Variants in CA10 observed in about 807,000 individuals in gnomAD.
CA10 encodes the protein carbonic anhydrase 10 (inactive), also known as carbonic anhydrase-related protein 10.
In CA10, 14 loss-of-function variants were observed where a neutral mutation model predicts 44.2. That is an observed-to-expected ratio of 0.32 (90% CI 0.21 to 0.50). The LOEUF is 0.50. Ranked by LOEUF, CA10 falls within the 20% of genes least tolerant of loss-of-function variation. CA10 has a pLI of 0.99. For missense variants in CA10, 350 were observed against 409.7 expected, an observed-to-expected ratio of 0.85 and a Z score of 1.26; for synonymous variants, 159 against 141.6, an observed-to-expected ratio of 1.12 and a Z score of -0.87.
chr17:52,054,480 C>G (rs1242424346), intron 2 of CA10, among the ~76,000 whole-genome samples: 1 of 152,116 alleles, frequency 6.6e-6, no homozygotes, highest in Non-Finnish European at 1.5e-5. Context: ...GTCCTGTGAT[C>G]TCACCCTGCC....
At chr17:51,931,265 G>A in intron 2 of CA10, 133 bp from the exon 3 acceptor site, 1 of 814,428 alleles carries the variant, frequency 1.2e-6, no homozygotes, top group Non-Finnish European at 1.9e-6. Context: ...GAGATCCTTG[G>A]GGGTTGCTAT....
rs576687350 is a variant in CA10 at position 52,037,805 on chromosome 17, CA to C, written c.136+34513del. 2.2e-3 allele frequency among the ~76,000 whole-genome samples: 329 copies of C among 152,264 alleles called. 3 individuals carry two copies. Among genetic ancestry groups the C allele is most frequent in the South Asian group, 5.8e-3 (28 of 4,820 alleles). On this transcript the variant is annotated intron_variant, in intron 2 of 8. Transcript: ENST00000451037. ...TGTGCCTTTGGTCATCCTGCTCCCT[CA>C]GTGAAGAATTCCCTTAACTTTTCCT...
intron 3 of CA10, among the ~76,000 whole-genome samples, chr17:51,769,263 C>T (rs1426256709): frequency 1.3e-5 from 2 of 152,172 alleles, no homozygotes; most frequent in Non-Finnish European, 2.9e-5. Flanking sequence ...ACTGGGCACA[C>T]TGGGTCACTC....
At chr17:51,970,096 T>C (rs1299791527) in intron 2 of CA10, among the ~76,000 whole-genome samples, 2 of 152,024 alleles carry the variant, frequency 1.3e-5, no homozygotes, top group African/African-American at 2.4e-5. Flanking sequence ...TTACTCCAAA[T>C]AGAATTTTCA....
chr17:52,007,056 C>G (rs1286955478), intron 2 of CA10, among the ~76,000 whole-genome samples: 1 of 151,534 alleles, frequency 6.6e-6, no homozygotes, highest in Non-Finnish European at 1.5e-5. Flanking sequence ...ATTATATTCT[C>G]TATTTTGTTA....
intron 3 of CA10, among the ~76,000 whole-genome samples, chr17:51,786,390 A>G (rs1165895757): frequency 6.6e-6 from 1 of 152,170 alleles, no homozygotes; most frequent in East Asian, 1.9e-4. Context: ...TGTCTCTATG[A>G]AAAATACAAA....
At chr17:52,143,390 A>G (rs995969646) in intron 1 of CA10, among the ~76,000 whole-genome samples, 11 of 152,212 alleles carry the variant, frequency 7.2e-5, no homozygotes, top group African/African-American at 2.4e-4. Flanking sequence ...GAATATTAAT[A>G]ATAGTTGTAT....
chr17:51,730,882 A>C (rs11869209), intron 4 of CA10, among the ~76,000 whole-genome samples: 61,304 of 150,108 alleles, frequency 0.41, 12,863 homozygotes, highest in Middle Eastern at 0.5. Context: ...GGGACTGTTA[A>C]AAAGATAAGT....
intron 2 of CA10, among the ~76,000 whole-genome samples, chr17:52,032,198 C>A (rs1448673294): frequency 6.6e-6 from 1 of 152,080 alleles, no homozygotes; most frequent in Non-Finnish European, 1.5e-5. Context: ...TTCTATTAAA[C>A]CTAATATAGT....
chr17:52,049,160 T>C (rs1986991841), intron 2 of CA10, among the ~76,000 whole-genome samples: 1 of 152,134 alleles, frequency 6.6e-6, no homozygotes, highest in South Asian at 2.1e-4. Context: ...AGTACTTTCA[T>C]TGCCATCTCA....
At chr17:51,822,287 G>A (rs546531648) in intron 3 of CA10, among the ~76,000 whole-genome samples, 8 of 152,082 alleles carry the variant, frequency 5.3e-5, no homozygotes, top group South Asian at 2.1e-4. Flanking sequence ...GTGTGGTGGC[G>A]TGTGCCTGTA....
intron 3 of CA10, among the ~76,000 whole-genome samples, chr17:51,834,675 TCA>T (rs1908409872): frequency 6.6e-6 from 1 of 152,142 alleles, no homozygotes; most frequent in Non-Finnish European, 1.5e-5. Flanking sequence ...GGCTTTAGTG[TCA>T]CACAAATGTG....
chr17:52,146,985 A>G (rs1233241312), intron 1 of CA10, among the ~76,000 whole-genome samples: 1 of 152,118 alleles, frequency 6.6e-6, no homozygotes, highest in East Asian at 1.9e-4. Context: ...ATTGACATCT[A>G]TTGGACAATT....
At position 51,967,683 on chromosome 17, in the gene CA10, T is replaced by A. The variant is rs1598144778; in HGVS notation, c.137-36551A>T. Among the ~76,000 whole-genome samples the A allele has an allele frequency of 2.6e-5, 4 of 151,714 alleles. No individual in the cohort carries two copies. The East Asian group carries it at 7.8e-4, about 29-fold the overall frequency. Reference sequence around the variant, plus strand: ...GATGGGAACAATAGAAATGGGGGACTACTACAGGGGAAAGTGAGAGAAGGG... The same window carrying A: ...GATGGGAACAATAGAAATGGGGGACAACTACAGGGGAAAGTGAGAGAAGGG... On this transcript the variant is annotated intron_variant, in intron 2 of 8. Coordinates refer to ENST00000451037, the MANE Select transcript of CA10 (RefSeq NM_020178.5).
intron 2 of CA10, among the ~76,000 whole-genome samples, chr17:51,941,953 C>T (rs535606374): frequency 2.6e-5 from 4 of 152,068 alleles, no homozygotes; most frequent in African/African-American, 2.4e-5. Context: ...TCTCTCTGTA[C>T]GTACATGCAA....
At chr17:52,123,835 G>A (rs927501337) in intron 1 of CA10, among the ~76,000 whole-genome samples, 45 of 151,978 alleles carry the variant, frequency 3.0e-4, no homozygotes, top group African/African-American at 1.0e-3. Flanking sequence ...TTTAACATCC[G>A]AATAAACTTT....
At chr17:51,964,590 T>C (rs1008996443) in intron 2 of CA10, among the ~76,000 whole-genome samples, 6 of 151,168 alleles carry the variant, frequency 4.0e-5, no homozygotes, top group African/African-American at 1.2e-4. Context: ...AAAATAGAAA[T>C]CCACACCAAG....
chr17:51,907,170 A>T (rs1380842032), intron 3 of CA10, among the ~76,000 whole-genome samples: 1 of 152,100 alleles, frequency 6.6e-6, no homozygotes, highest in African/African-American at 2.4e-5. Flanking sequence ...CCCTCTGCTC[A>T]CTGTCCTCTG....
intron 3 of CA10, among the ~76,000 whole-genome samples, chr17:51,774,223 C>T (rs1461409662): frequency 1.3e-5 from 2 of 152,140 alleles, no homozygotes; most frequent in East Asian, 1.9e-4. Flanking sequence ...CAAAAGAGTT[C>T]AACCCATGAA....
Sources: gnomAD v4.1 joint callset for allele counts (sites outside exome capture counted in the v4.1 genomes callset) on GRCh38, gnomAD v4.1.1 for gene constraint, MANE v1.5 for transcripts, NCBI Gene and HGNC (gene_info 2026-07-23, HGNC 2026-07-21) for gene names.